Variants in FRMD4B observed in about 807,000 individuals in gnomAD.
The protein encoded by FRMD4B is FERM domain-containing protein 4B.
Under a neutral mutation model 141.5 loss-of-function variants are expected in FRMD4B, and 74 were observed. The ratio of observed to expected loss-of-function variants is 0.52; its 90% CI spans 0.43 to 0.63. The LOEUF (loss-of-function observed/expected upper bound fraction) is 0.63. Among genes scored for constraint, FRMD4B ranks in the 30% least tolerant of loss-of-function variants. FRMD4B has a pLI of 0.00. For missense variants in FRMD4B, 1,366 were observed against 1,253.4 expected (o/e 1.09, Z -1.36); for synonymous variants, 506 against 467.9 (o/e 1.08, Z -1.05).
intron 19 of FRMD4B, among the ~76,000 whole-genome samples, chr3:69,186,679 T>C (rs2092771271): frequency 6.6e-6 from 1 of 152,194 alleles, no homozygotes; most frequent in Non-Finnish European, 1.5e-5. Context: ...ACCACTGCAC[T>C]CCAGCCTGAG....
chr3:69,407,576 G>A (rs996305130), intron 2 of FRMD4B, among the ~76,000 whole-genome samples: 3 of 152,202 alleles, frequency 2.0e-5, no homozygotes, highest in African/African-American at 4.8e-5. Flanking sequence ...CGATGTTCAG[G>A]GGTTACTTAT....
rs202121305 is a variant in FRMD4B, at chr3:69,181,363, C to G, written c.2387G>C (p.Ser796Thr). The G allele has an allele frequency of 9.2e-5, 148 of 1,613,758 alleles. No individual in the cohort carries two copies. Among genetic ancestry groups the G allele is most frequent in the Non-Finnish European group, 8.6e-5 (101 of 1,179,808 alleles). The change falls in exon 21 of 23, where the codon AGT becomes ACT. Residue 796 changes from serine to threonine, a missense_variant. By Grantham distance (58) the Ser-to-Thr change is moderately conservative. Coordinates refer to ENST00000398540, the MANE Select transcript of FRMD4B (RefSeq NM_015123.3). ...GTAACTGGAAGACGGTGGCTCCTGA[C>G]TCTTTGAGTAAACACCATTCCTCAA... ...DSLRNGVYSK[S>T]QEPPSSSYYI...
intron 1 of FRMD4B, among the ~76,000 whole-genome samples, chr3:69,340,820 T>C (rs1702715841): frequency 6.6e-6 from 1 of 152,236 alleles, no homozygotes; most frequent in South Asian, 2.1e-4. Flanking sequence ...TAAATACTGA[T>C]GTACTTTGTT....
At chr3:69,515,911 T>C (rs1233216867) in intron 1 of FRMD4B, among the ~76,000 whole-genome samples, 1 of 152,160 alleles carries the variant, frequency 6.6e-6, no homozygotes, top group Non-Finnish European at 1.5e-5. Context: ...TTTGCATCTT[T>C]GGTTAAGCAG....
intron 10 of FRMD4B, 60 bp downstream of exon 10, chr3:69,218,262 G>A: frequency 1.2e-6 from 1 of 801,754 alleles, no homozygotes; most frequent in Non-Finnish European, 2.1e-6. Flanking sequence ...TATGAAAAAA[G>A]CTGGTATTGT....
intron 1 of FRMD4B, among the ~76,000 whole-genome samples, chr3:69,484,321 A>G (rs1706179013): frequency 1.3e-5 from 2 of 152,160 alleles, no homozygotes; most frequent in African/African-American, 4.8e-5. Context: ...TGGTTACAAG[A>G]CACAATGCAT....
intron 5 of FRMD4B, among the ~76,000 whole-genome samples, chr3:69,264,861 G>A (rs945254064): frequency 6.6e-6 from 1 of 152,134 alleles, no homozygotes; most frequent in Non-Finnish European, 1.5e-5. Flanking sequence ...TGGGCAGACC[G>A]CTTCTCAGAA....
At chr3:69,314,651 A>T (rs1254761960) in intron 1 of FRMD4B, among the ~76,000 whole-genome samples, 2 of 151,970 alleles carry the variant, frequency 1.3e-5, no homozygotes, top group African/African-American at 4.8e-5. Context: ...CCTGGTCAAC[A>T]TGGTGAAACC....
In FRMD4B at chr3:69,313,448, C is replaced by T; in HGVS notation, c.228+4G>A. 6.4e-7 allele frequency: 1 copy of T among 1,564,402 alleles called. No individual in the cohort carries two copies. Among genetic ancestry groups the T allele is most frequent in the Non-Finnish European group, 8.7e-7 (1 of 1,152,784 alleles). ...TGGGCAACACACATGTGGGCCACAC[C>T]TACCTGAACCAGCAGCTCCAGTCTC... is the stretch of plus-strand genomic sequence containing the variant. On this transcript the variant is annotated splice_donor_region_variant and intron_variant, in intron 2 of 22. Transcript: ENST00000398540.
chr3:69,426,454 G>A (rs549890304), intron 2 of FRMD4B, among the ~76,000 whole-genome samples: 49 of 152,242 alleles, frequency 3.2e-4, no homozygotes, highest in African/African-American at 1.1e-3. Context: ...GTTTTCTCAC[G>A]TTAATACCAA....
At chr3:69,489,392 A>C (rs532201801) in intron 1 of FRMD4B, among the ~76,000 whole-genome samples, 1 of 151,490 alleles carries the variant, frequency 6.6e-6, no homozygotes, top group African/African-American at 2.4e-5. Flanking sequence ...AAATGTATAC[A>C]TATATAAATG....
chr3:69,505,059 C>T (rs1364288377), intron 1 of FRMD4B, among the ~76,000 whole-genome samples: 2 of 147,850 alleles, frequency 1.4e-5, no homozygotes, highest in Admixed American at 1.4e-4. Context: ...CTCTGATGGA[C>T]AAGGACACTC....
At chr3:69,536,487 G>T in intron 1 of FRMD4B, 1 of 697,530 alleles carries the variant, frequency 1.4e-6, no homozygotes, top group South Asian at 1.5e-5. Flanking sequence ...CCGCCAACGT[G>T]CCCTAGCGCT....
At chr3:69,496,637 A>AAAGAG (rs1706400131) in intron 1 of FRMD4B, among the ~76,000 whole-genome samples, 4 of 56,520 alleles carry the variant, frequency 7.1e-5, no homozygotes, top group Non-Finnish European at 1.3e-4. Flanking sequence ...GAGAGAGAGA[A>AAAGAG]AGAGAGAGAG....
At chr3:69,427,987 T>A (rs2106827019) in intron 2 of FRMD4B, among the ~76,000 whole-genome samples, 1 of 152,204 alleles carries the variant, frequency 6.6e-6, no homozygotes, top group East Asian at 1.9e-4. Flanking sequence ...TAAAGAATAA[T>A]TTCCCAGTTA....
chr3:69,470,984 G>C (rs1249850306), intron 1 of FRMD4B, among the ~76,000 whole-genome samples: 1 of 152,180 alleles, frequency 6.6e-6, no homozygotes, highest in African/African-American at 2.4e-5. Context: ...GTCCACCTAG[G>C]TAGTTTCCTA....
Position 69,316,889 on chromosome 3 carries a change from A to C in FRMD4B, c.163-3372T>G, listed in dbSNP as rs145656958. Among the ~76,000 whole-genome samples, 864 of 152,342 alleles carry C rather than the reference A, an allele frequency of 5.7e-3. 6 individuals are homozygous for C. The highest frequency in any genetic ancestry group is 0.02 in the African/African-American group (830 of 41,584). Reference sequence around the variant, plus strand: ...GTAATCTCAGCACTTTGAGAGGCCAAGGCTGGTGGATGACCTGAGGTCAGG... The same window carrying C: ...GTAATCTCAGCACTTTGAGAGGCCACGGCTGGTGGATGACCTGAGGTCAGG... On this transcript the variant is annotated intron_variant, in intron 1 of 22. Transcript: ENST00000398540.
At chr3:69,283,952 T>G (rs2093655371) in intron 5 of FRMD4B, among the ~76,000 whole-genome samples, 1 of 112,168 alleles carries the variant, frequency 8.9e-6, no homozygotes, top group Admixed American at 9.6e-5. Context: ...TCCTCTTAAC[T>G]GAAAAAACAA....
chr3:69,408,665 A>AG (rs2106773125), intron 2 of FRMD4B, among the ~76,000 whole-genome samples: 1 of 151,748 alleles, frequency 6.6e-6, no homozygotes, highest in South Asian at 2.1e-4. Flanking sequence ...TGGTAGGGGG[A>AG]GTGGGGGGTG....
Sources: allele counts gnomAD v4.1 joint callset (sites outside exome capture counted in the v4.1 genomes callset), GRCh38; gene constraint gnomAD v4.1.1; transcripts MANE v1.5; gene names NCBI Gene and HGNC (gene_info 2026-07-23, HGNC 2026-07-21).